IFRD2: variants seen among roughly 807,000 people sequenced by gnomAD.
The protein encoded by IFRD2 is interferon-related developmental regulator 2.
Under a neutral mutation model 49.2 loss-of-function variants are expected in IFRD2, and 35 were observed. The ratio of observed to expected loss-of-function variants is 0.71; its 90% confidence interval spans 0.54 to 0.94. IFRD2 has a LOEUF of 0.94. Among genes scored for constraint, IFRD2 ranks in the 40% least tolerant of loss-of-function variants. The pLI is 0.00. For missense variants in IFRD2, 561 were observed against 591.6 expected, an observed-to-expected ratio of 0.95 and a Z score of 0.54; for synonymous variants, 275 against 239.7, an observed-to-expected ratio of 1.15 and a Z score of -1.36.
chr3:50,291,091 C>T (rs894728591), intron 1 of IFRD2, among the ~76,000 whole-genome samples: 20 of 149,846 alleles, frequency 1.3e-4, no homozygotes, highest in Non-Finnish European at 2.7e-4. Context: ...CGGCTCACTG[C>T]GACCTCTGCC....
At chr3:50,291,238 G>A (rs1701667218) in intron 1 of IFRD2, among the ~76,000 whole-genome samples, 1 of 152,030 alleles carries the variant, frequency 6.6e-6, no homozygotes, top group Non-Finnish European at 1.5e-5. Flanking sequence ...TCGAACTCCT[G>A]GCCTCAGGTG....
intron 8 of IFRD2, 67 bp downstream of exon 8, chr3:50,289,188 C>T: frequency 1.4e-6 from 2 of 1,384,592 alleles, no homozygotes; most frequent in Non-Finnish European, 2.0e-6. Flanking sequence ...TTGTGTGGCA[C>T]CCCCTGCATC....
chr3:50,290,461 C>A lies in IFRD2; in HGVS notation c.190G>T (p.Val64Leu), dbSNP rs782097864. Residue 64 changes from valine (V) to leucine (L), a missense_variant, in exon 3 of 12, where the codon GTG (valine) becomes TTG (leucine). By Grantham distance (32) the Val-to-Leu change is conservative. Transcript: ENST00000417626. ...TCTTCCTGCTGGCCCTGCTCATCCA[C>A]GACATCCCCCCCTGCAAGGCCACCT... ...TAEDSLGGDV[V>L]DEQGQQEDLE... The A allele has an allele frequency of 1.3e-5, 21 of 1,577,668 alleles. No individual in the cohort carries two copies. Among genetic ancestry groups the A allele is most frequent in the Middle Eastern group, 1.7e-4 (1 of 6,034 alleles).
Position 50,290,012 on chromosome 3 carries a change from C to T in IFRD2, c.463G>A (p.Gly155Ser), listed in dbSNP as rs1553709512. 1 of 1,613,430 alleles carries T rather than the reference C, an allele frequency of 6.2e-7. No individual in the cohort carries two copies. The highest frequency in any genetic ancestry group is 1.7e-5 in the Admixed American group (1 of 59,952). ...TGCAGGCTGTGAAACAGCTCCTCAC[C>T]CTTAGGTCCAGGGCCCAGCTGCACG... ...LCVQLGPGPK[G>S]EELFHSLQPL... is the part of the protein sequence containing the mutation. The change falls in exon 5 of 12, where the codon GGT (glycine) becomes AGT (serine). Residue 155 changes from glycine (G) to serine (S), a missense_variant. By Grantham distance (56) the Gly-to-Ser change is moderately conservative (BLOSUM62 0). Transcript: ENST00000417626.
chr3:50,289,642 G>C lies in IFRD2; in HGVS notation c.598-14C>G. The C allele has an allele frequency of 6.3e-7, 1 of 1,597,748 alleles. No homozygotes were observed. The highest frequency in any genetic ancestry group is 1.1e-5 in the South Asian group (1 of 88,340). On this transcript the variant is annotated splice_polypyrimidine_tract_variant and intron_variant, in intron 6 of 11. Coordinates refer to ENST00000417626, the MANE Select transcript of IFRD2 (RefSeq NM_006764.5). ...AGAGACCAGGTCCTAGGAGCACAGA[G>C]AGGCAGGGGAGCTCAGAGGCAGAGT...
In IFRD2 at chr3:50,289,723, C is replaced by A; in HGVS notation, c.586G>T (p.Ala196Ser). The change falls in exon 6 of 12, where the codon GCT becomes TCT. Residue 196 changes from alanine to serine, a missense_variant. Physicochemically the swap from Ala to Ser is moderately conservative, Grantham distance 99. Coordinates refer to ENST00000417626, the MANE Select transcript of IFRD2 (RefSeq NM_006764.5). The part of the protein sequence containing the change: ...ALGLGCYVAA[A>S]DIQDLVSCLA... The stretch of plus-strand genomic sequence containing the variant: ...CAAAGACCCCTCACCTGGATGTCAG[C>A]GGCAGCCACGTAGCAGCCCAGGCCA... 6.2e-7 allele frequency: 1 copy of A among 1,602,934 alleles called. No homozygotes were observed. The highest frequency in any genetic ancestry group is 8.5e-7 in the Non-Finnish European group (1 of 1,175,018).
Position 50,288,790 on chromosome 3 carries a change from T to TCA in IFRD2, c.1023+8_1023+9dup. On this transcript the variant is annotated intron_variant, in intron 9 of 11. Coordinates refer to ENST00000417626, the MANE Select transcript of IFRD2 (RefSeq NM_006764.5). ...CACCCTTGCTAGGACACATATGTTC[T>TCA]CACACACACCTCCACGGAGTGCAGC... 6.2e-7 allele frequency: 1 copy of TCA among 1,613,008 alleles called. No individual in the cohort carries two copies. Among genetic ancestry groups the TCA allele is most frequent in the Non-Finnish European group, 8.5e-7 (1 of 1,179,408 alleles).
At chr3:50,291,105 C>T (rs147025751) in intron 1 of IFRD2, among the ~76,000 whole-genome samples, 7 of 151,510 alleles carry the variant, frequency 4.6e-5, no homozygotes, top group South Asian at 2.1e-4. Flanking sequence ...CTCTGCCTCC[C>T]GGGTTCCAGT....
At position 50,288,847 on chromosome 3, in the gene IFRD2, G is replaced by T. The variant is rs782698506; in HGVS notation, c.976C>A (p.Arg326Ser). ...CGGAAAGTAGAGCGCTGGCGCCGAC[G>T]ATCAGCCTTGGCACGGTACTTGTTA... The part of the protein sequence containing the change: ...DSNKYRAKAD[R>S]RRQRSTFRAV... The change falls in exon 9 of 12, where the codon CGT becomes AGT. Residue 326 changes from arginine (R) to serine (S), a missense_variant. Arg to Ser is a moderately radical substitution (Grantham distance 110). Coordinates refer to ENST00000417626, the MANE Select transcript of IFRD2 (RefSeq NM_006764.5). The T allele has an allele frequency of 6.2e-7, 1 of 1,613,488 alleles. No homozygotes were observed. Among genetic ancestry groups the T allele is most frequent in the Non-Finnish European group, 8.5e-7 (1 of 1,179,664 alleles).
At chr3:50,291,884 G>C (rs1190289959) in intron 1 of IFRD2, 10 of 332,700 alleles carry the variant, frequency 3.0e-5, no homozygotes, top group African/African-American at 2.2e-4. Flanking sequence ...TCCTTGACCA[G>C]TCCAGGAAAG....
At position 50,292,286 on chromosome 3, in the gene IFRD2, G is replaced by GGCGCGGGGA. The variant is rs1316780984; in HGVS notation, c.-13_-12insTCCCCGCGC. The GGCGCGGGGA allele has an allele frequency of 6.5e-7, 1 of 1,547,324 alleles. No individual in the cohort carries two copies. Among genetic ancestry groups the GGCGCGGGGA allele is most frequent in the African/African-American group, 1.4e-5 (1 of 72,946 alleles). On this transcript the variant is annotated 5_prime_UTR_variant, in exon 1 of 12. Transcript: ENST00000417626. Reference sequence around the variant, plus strand: ...CGGGCGCGAGGCATGCCGGGAACCGGGCGCGGGGGGCGCGGGGTCAGGGAC... The same window carrying GGCGCGGGGA: ...CGGGCGCGAGGCATGCCGGGAACCGGGCGCGGGGAGCGCGGGGGGCGCGGGGTCAGGGAC...
At chr3:50,291,303 C>G (rs1382843858) in intron 1 of IFRD2, among the ~76,000 whole-genome samples, 1 of 152,108 alleles carries the variant, frequency 6.6e-6, no homozygotes, top group African/African-American at 2.4e-5. Context: ...AGCCACCACG[C>G]CCAGCCTGCT....
In IFRD2 at chr3:50,292,408, TC is replaced by T. The variant is rs1212165961; in HGVS notation, c.-135del. ...GAGCCACACGCCACGCGCGCCACCA[TC>T]TTCGCGAGGCGCCCCGCCCTGCCAA... On this transcript the variant is annotated 5_prime_UTR_variant, in exon 1 of 12. Transcript: ENST00000417626. The T allele has an allele frequency of 6.3e-7, 1 of 1,594,884 alleles. No individual in the cohort carries two copies. The highest frequency in any genetic ancestry group is 1.7e-5 in the Admixed American group (1 of 58,826).
In IFRD2 at chr3:50,290,212, G is replaced by A. The variant is rs781955481; in HGVS notation, c.346C>T (p.Arg116Cys). The A allele has an allele frequency of 1.7e-5, 27 of 1,613,570 alleles. No homozygotes were observed. The highest frequency in any genetic ancestry group is 5.0e-5 in the Admixed American group (3 of 59,968). The change falls in exon 4 of 12, where the codon CGC becomes TGC. Residue 116 changes from arginine (R) to cysteine (C), a missense_variant. By Grantham distance (180) the Arg-to-Cys change is radical (BLOSUM62 -3). Transcript: ENST00000417626. The part of the protein sequence containing the change: ...RLLPDFLLER[R>C]LTLADALEKC... ...TCCAGGGCATCGGCTAGCGTGAGGC[G>A]GCGCTCCAGCAAGAAGTCGGGGAGT...
At position 50,288,164 on chromosome 3, in the gene IFRD2, A is replaced by C. The variant is rs1411024281; in HGVS notation, c.*27T>G. ...TTAAAAATACGGACCAAGGGCATAG[A>C]AAGTCTCCTCTTCAGCAGGTCCTGC... On this transcript the variant is annotated 3_prime_UTR_variant, in exon 12 of 12. Transcript: ENST00000417626. 1.3e-6 allele frequency: 2 copies of C among 1,587,034 alleles called. No individual in the cohort carries two copies. Among genetic ancestry groups the C allele is most frequent in the Non-Finnish European group, 1.7e-6 (2 of 1,156,942 alleles).
At position 50,292,284 on chromosome 3, in the gene IFRD2, C is replaced by T; in HGVS notation, c.-10G>A. ...TACGGGCGCGAGGCATGCCGGGAAC[C>T]GGGCGCGGGGGGCGCGGGGTCAGGG... On this transcript the variant is annotated 5_prime_UTR_variant, in exon 1 of 12. Transcript: ENST00000417626. 1 of 1,553,672 alleles carries T rather than the reference C, an allele frequency of 6.4e-7. No individual in the cohort carries two copies. The highest frequency in any genetic ancestry group is 2.3e-5 in the East Asian group (1 of 43,048).
chr3:50,288,073 G>T lies in IFRD2; in HGVS notation c.*118C>A. Reference sequence around the variant, plus strand: ...AGCTACCCACCCCATGTCTGTTTTTGGTTTTGTCATTAAAAAAAATAAAGT... The same window carrying T: ...AGCTACCCACCCCATGTCTGTTTTTTGTTTTGTCATTAAAAAAAATAAAGT... On this transcript the variant is annotated 3_prime_UTR_variant, in exon 12 of 12. Coordinates refer to ENST00000417626, the MANE Select transcript of IFRD2 (RefSeq NM_006764.5). The T allele has an allele frequency of 1.1e-6, 1 of 950,566 alleles. No homozygotes were observed. The highest frequency in any genetic ancestry group is 1.6e-6 in the Non-Finnish European group (1 of 616,138). The allele number at this position is 950,566 out of a possible 1,614,324, so 58.9% of individuals were successfully genotyped here.
At chr3:50,288,381 G>T in intron 11 of IFRD2, 28 bp downstream of exon 11, 1 of 1,607,030 alleles carries the variant, frequency 6.2e-7, no homozygotes, top group Non-Finnish European at 8.5e-7. Context: ...GGAATAGGGG[G>T]AAGAGAAAGG....
In IFRD2 at chr3:50,292,315, G is replaced by A; in HGVS notation, c.-41C>T. On this transcript the variant is annotated 5_prime_UTR_variant, in exon 1 of 12. Transcript: ENST00000417626. ...CGGGGGGCGCGGGGTCAGGGACCCG[G>A]TGGGTGTGGGCTCCAGGCCAACGAG... 2.6e-6 allele frequency: 4 copies of A among 1,565,670 alleles called. No homozygotes were observed. The highest frequency in any genetic ancestry group is 3.5e-6 in the Non-Finnish European group (4 of 1,157,638).
Sources: gnomAD v4.1 joint callset for allele counts (sites outside exome capture counted in the v4.1 genomes callset) on GRCh38, gnomAD v4.1.1 for gene constraint, MANE v1.5 for transcripts, NCBI Gene and HGNC (gene_info 2026-07-23, HGNC 2026-07-21) for gene names.